Variants in ACTG2 observed in about 807,000 individuals in gnomAD.
The protein encoded by ACTG2 is actin gamma 2, smooth muscle.
A neutral mutation model predicts 37.6 loss-of-function variants in ACTG2; 16 were observed. That is an observed-to-expected ratio of 0.43 (90% CI 0.29 to 0.65). ACTG2 has a LOEUF of 0.65. Ranked by LOEUF, ACTG2 falls within the 30% of genes least tolerant of loss-of-function variation. The pLI is 0.18. For synonymous variants in ACTG2, 181 were observed against 179.9 expected (o/e 1.01, Z -0.05); for missense variants, 238 against 490.9 (o/e 0.48, Z 4.87).
chr2:73,902,018 C>CGTGTGTGTGT (rs71245662), intron 2 of ACTG2, among the ~76,000 whole-genome samples: 7,019 of 146,304 alleles, frequency 0.048, 226 homozygotes, highest in Non-Finnish European at 0.064. Flanking sequence ...GCATACAAGT[C>CGTGTGTGTGT]GTGTGTGTGT....
At chr2:73,910,076 G>A (rs1416291077) in intron 5 of ACTG2, among the ~76,000 whole-genome samples, 3 of 151,892 alleles carry the variant, frequency 2.0e-5, no homozygotes, top group Admixed American at 6.6e-5. Flanking sequence ...TTAGTTGGAC[G>A]TGGTGTCAGG....
intron 3 of ACTG2, chr2:73,908,410 G>T (rs947857162): frequency 7.2e-6 from 4 of 558,320 alleles, no homozygotes; most frequent in Non-Finnish European, 1.4e-5. Context: ...GACTGTAGGA[G>T]AGTGAAGAGG....
intron 4 of ACTG2, 47 bp downstream of exon 4, chr2:73,908,830 G>A (rs377666378): frequency 2.0e-4 from 292 of 1,493,054 alleles, no homozygotes; most frequent in Admixed American, 3.6e-4. Context: ...ATGCAACATG[G>A]ATGCTTGGCC....
intron 8 of ACTG2, among the ~76,000 whole-genome samples, chr2:73,918,380 G>C (rs988205684): frequency 6.6e-6 from 1 of 152,174 alleles, no homozygotes; most frequent in African/African-American, 2.4e-5. Flanking sequence ...TGCATTCCCA[G>C]TCCTTGAAAT....
chr2:73,904,994 A>T (rs1464401628), intron 3 of ACTG2, among the ~76,000 whole-genome samples: 1 of 151,700 alleles, frequency 6.6e-6, no homozygotes, highest in East Asian at 1.9e-4. Context: ...ATGAAGGAAG[A>T]CATAATGTAA....
chr2:73,898,605 C>T (rs1468751408), intron 1 of ACTG2, among the ~76,000 whole-genome samples: 1 of 150,964 alleles, frequency 6.6e-6, no homozygotes, highest in African/African-American at 2.5e-5. Flanking sequence ...CAATTTAACA[C>T]TCACAAGCAG....
chr2:73,911,674 G>A (rs557756518), intron 5 of ACTG2, among the ~76,000 whole-genome samples: 8 of 152,232 alleles, frequency 5.3e-5, no homozygotes, highest in South Asian at 2.1e-4. Flanking sequence ...GCCCTATGAC[G>A]TGATGTCAGC....
chr2:73,916,223 A>G (rs1680263773), intron 7 of ACTG2, among the ~76,000 whole-genome samples: 1 of 152,152 alleles, frequency 6.6e-6, no homozygotes, highest in Admixed American at 6.5e-5. Flanking sequence ...TAAAAATACA[A>G]AATTTAGCTG....
At chr2:73,898,193 C>T (rs539473412) in intron 1 of ACTG2, among the ~76,000 whole-genome samples, 34 of 148,382 alleles carry the variant, frequency 2.3e-4, no homozygotes, top group African/African-American at 7.8e-4. Flanking sequence ...TGACAGTTCC[C>T]CAAAGTAGTG....
chr2:73,894,159 T>G (rs1679691251), intron 1 of ACTG2, among the ~76,000 whole-genome samples: 1 of 152,170 alleles, frequency 6.6e-6, no homozygotes, highest in Non-Finnish European at 1.5e-5. Context: ...GATTGCCCCA[T>G]GCCCCACCCC....
Position 73,916,047 on chromosome 2 carries a change from C to T in ACTG2, c.806-537C>T, listed in dbSNP as rs186188159. On this transcript the variant is annotated intron_variant, in intron 7 of 8. Transcript: ENST00000345517. ...TTATGAAAAAAGAAAGATGATATAA[C>T]AAAAGTGTTCCTTTAGAAATATGCT... is the stretch of plus-strand genomic sequence containing the variant. 3.2e-3 allele frequency among the ~76,000 whole-genome samples: 493 copies of T among 152,172 alleles called. 5 individuals carry two copies. The highest frequency in any genetic ancestry group is 0.011 in the African/African-American group (475 of 41,514).
At chr2:73,902,216 A>G in intron 2 of ACTG2, 144 bp from the exon 3 acceptor site, 1 of 934,228 alleles carries the variant, frequency 1.1e-6, no homozygotes, top group Non-Finnish European at 1.6e-6. Context: ...CATCTGCTCC[A>G]TCCTGTCTCC....
intron 8 of ACTG2, among the ~76,000 whole-genome samples, chr2:73,917,997 T>C (rs1441598632): frequency 6.6e-6 from 1 of 152,208 alleles, no homozygotes; most frequent in African/African-American, 2.4e-5. Context: ...TCTGATGCAT[T>C]TCCCAATTCA....
At chr2:73,907,301 G>A (rs1257954864) in intron 3 of ACTG2, among the ~76,000 whole-genome samples, 4 of 151,912 alleles carry the variant, frequency 2.6e-5, no homozygotes, top group African/African-American at 4.8e-5. Flanking sequence ...CACAAACCTG[G>A]CGGTCCATAA....
At position 73,908,796 on chromosome 2, in the gene ACTG2, G is replaced by A. The variant is rs977684607; in HGVS notation, c.366+13G>A. Reference sequence around the variant, plus strand: ...AAAGATGACCCAGGTAAGAAGCCAGGAAGACTTGAACACTGGCATAAGAAT... The same window carrying A: ...AAAGATGACCCAGGTAAGAAGCCAGAAAGACTTGAACACTGGCATAAGAAT... On this transcript the variant is annotated intron_variant, in intron 4 of 8. Transcript: ENST00000345517. 1.3e-5 allele frequency: 21 copies of A among 1,587,716 alleles called. No homozygotes were observed. Among genetic ancestry groups the A allele is most frequent in the Non-Finnish European group, 1.8e-5 (21 of 1,156,138 alleles).
At chr2:73,905,115 T>A (rs573928784) in intron 3 of ACTG2, among the ~76,000 whole-genome samples, 33 of 152,168 alleles carry the variant, frequency 2.2e-4, no homozygotes, top group African/African-American at 7.9e-4. Flanking sequence ...AAAGGACTAG[T>A]CAATAAATTA....
At chr2:73,915,539 AGTAG>A (rs1680248102) in intron 7 of ACTG2, among the ~76,000 whole-genome samples, 1 of 135,988 alleles carries the variant, frequency 7.4e-6, no homozygotes, top group African/African-American at 2.6e-5. Context: ...AAAAAAAAAG[AGTAG>A]AGGTAAGTAG....
intron 1 of ACTG2, among the ~76,000 whole-genome samples, chr2:73,895,315 A>AC (rs913553799): frequency 5.3e-5 from 8 of 152,252 alleles, no homozygotes; most frequent in South Asian, 2.1e-4. Context: ...AAGATAAGGC[A>AC]CCCACGACAG....
intron 7 of ACTG2, among the ~76,000 whole-genome samples, chr2:73,915,753 A>G (rs571057957): frequency 6.6e-6 from 1 of 152,276 alleles, no homozygotes; most frequent in Admixed American, 6.5e-5. Flanking sequence ...CCTTGAAAAC[A>G]TTATACTAAG....
Sources: gnomAD v4.1 joint callset for allele counts (sites outside exome capture counted in the v4.1 genomes callset) on GRCh38, gnomAD v4.1.1 for gene constraint, MANE v1.5 for transcripts, NCBI Gene and HGNC (gene_info 2026-07-23, HGNC 2026-07-21) for gene names.